Variants in SEL1L observed in about 807,000 individuals in gnomAD.
SEL1L encodes SEL1L adaptor subunit of SYVN1 ubiquitin ligase, also known as protein sel-1 homolog 1.
A neutral mutation model predicts 109.8 loss-of-function variants in SEL1L; 52 were observed. The ratio of observed to expected loss-of-function variants is 0.47; its 90% confidence interval spans 0.38 to 0.60. SEL1L has a LOEUF of 0.60. Ranked by LOEUF, SEL1L falls within the 20% of genes least tolerant of loss-of-function variation. The probability of loss-of-function intolerance (pLI) is 0.00; values close to 1 mark genes in which losing one functional copy is unlikely to be tolerated. For synonymous variants in SEL1L, 373 were observed against 339.6 expected, an observed-to-expected ratio of 1.10 and a Z score of -1.08; for missense variants, 749 against 962.2, an observed-to-expected ratio of 0.78 and a Z score of 2.93.
chr14:81,472,971 G>A lies in SEL1L; in HGVS notation c.*4001C>T, dbSNP rs150363258. The A allele has an allele frequency of 1.6e-3, 252 of 161,982 alleles. No homozygotes were observed. The highest frequency in any genetic ancestry group is 2.1e-3 in the Admixed American group (35 of 16,452). The allele number at this position is 161,982 out of a possible 1,614,324, so 10.0% of individuals were successfully genotyped here. A position where few individuals can be genotyped will look rare whatever the true frequency, so the allele number is the denominator to read the frequency against. On this transcript the variant is annotated 3_prime_UTR_variant, in exon 21 of 21. Coordinates refer to ENST00000336735, the MANE Select transcript of SEL1L (RefSeq NM_005065.6). Reference sequence around the variant, plus strand: ...CAAGTTTCAAGATACAGTACAAAACGATTCTGTACATCTCTCTATTAACAG... The same window carrying A: ...CAAGTTTCAAGATACAGTACAAAACAATTCTGTACATCTCTCTATTAACAG...
At position 81,472,375 on chromosome 14, in the gene SEL1L, TTC is replaced by T; in HGVS notation, c.*4595_*4596del. ...AGGCTTTTTATCCAAGATCCAATGC[TTC>T]TGAGCTGGAACATTTTACCTCAGTT... On this transcript the variant is annotated 3_prime_UTR_variant, in exon 21 of 21. Coordinates refer to ENST00000336735, the MANE Select transcript of SEL1L (RefSeq NM_005065.6). 4.3e-6 allele frequency: 1 copy of T among 234,580 alleles called. No individual in the cohort carries two copies. The highest frequency in any genetic ancestry group is 2.4e-5 in the African/African-American group (1 of 42,470). 14.5% of individuals were successfully genotyped at this position (234,580 alleles called of 1,614,324 possible). A position where few individuals can be genotyped will look rare whatever the true frequency, so the allele number is the denominator to read the frequency against.
intron 1 of SEL1L, among the ~76,000 whole-genome samples, chr14:81,531,744 T>C (rs961404799): frequency 6.6e-6 from 1 of 152,098 alleles, no homozygotes; most frequent in Non-Finnish European, 1.5e-5. Flanking sequence ...GGTTTCGCCA[T>C]GTTGCCCAGG....
intron 13 of SEL1L, 151 bp from the exon 14 acceptor site, chr14:81,489,465 A>C: frequency 3.0e-6 from 2 of 661,342 alleles, no homozygotes; most frequent in Non-Finnish European, 2.6e-6. Flanking sequence ...TCTTCTCATC[A>C]GACTAAACAT....
Position 81,476,542 on chromosome 14 carries a change from A to G in SEL1L, c.*430T>C, listed in dbSNP as rs1903164572. On this transcript the variant is annotated 3_prime_UTR_variant, in exon 21 of 21. Transcript: ENST00000336735. ...TATTTTCAGACTTTCGAACACGTTT[A>G]AACTTGCAACTGGGTTTTCCTTTTT... 6.4e-6 allele frequency: 1 copy of G among 156,000 alleles called. No homozygotes were observed. The highest frequency in any genetic ancestry group is 2.4e-5 in the African/African-American group (1 of 41,538). The allele number at this position is 156,000 out of a possible 1,614,324, so 9.7% of individuals were successfully genotyped here.
At chr14:81,483,279 TTAA>T (rs1158549509) in intron 19 of SEL1L, among the ~76,000 whole-genome samples, 9 of 152,232 alleles carry the variant, frequency 5.9e-5, no homozygotes, top group East Asian at 1.9e-4. Flanking sequence ...GCATTTTCAA[TTAA>T]TAATACAAAA....
chr14:81,493,355 CA>C (rs1376206646), intron 11 of SEL1L, among the ~76,000 whole-genome samples: 2 of 151,930 alleles, frequency 1.3e-5, no homozygotes, highest in African/African-American at 4.8e-5. Context: ...ACTAAAAATA[CA>C]AAAATTAGCC....
intron 3 of SEL1L, among the ~76,000 whole-genome samples, chr14:81,507,289 G>A (rs1884277973): frequency 6.6e-6 from 1 of 152,204 alleles, no homozygotes; most frequent in African/African-American, 2.4e-5. Context: ...AAGGCTGGAT[G>A]CAAGGTGACC....
intron 11 of SEL1L, among the ~76,000 whole-genome samples, chr14:81,493,351 A>C (rs528617690): frequency 6.6e-6 from 1 of 152,198 alleles, no homozygotes; most frequent in South Asian, 2.1e-4. Context: ...CTCTACTAAA[A>C]ATACAAAAAT....
chr14:81,486,269 A>G lies in SEL1L; in HGVS notation c.1798+20T>C, dbSNP rs1222570231. 6.2e-7 allele frequency: 1 copy of G among 1,613,280 alleles called. No individual in the cohort carries two copies. On this transcript the variant is annotated intron_variant, in intron 17 of 20. Coordinates refer to ENST00000336735, the MANE Select transcript of SEL1L (RefSeq NM_005065.6). ...AACTCGTACATTCTAAACCTAAGGC[A>G]GGACTAAAATGAACCTTACTCTGAT...
Position 81,476,811 on chromosome 14 carries a change from A to C in SEL1L, c.*161T>G. 1 of 650,628 alleles carries C rather than the reference A, an allele frequency of 1.5e-6. No individual in the cohort carries two copies. The highest frequency in any genetic ancestry group is 2.6e-6 in the Non-Finnish European group (1 of 388,062). The allele number at this position is 650,628 out of a possible 1,614,324, so 40.3% of individuals were successfully genotyped here. ...AGGTAAGAGTTACTTATCCCTGAAA[A>C]TAAAGGCATCAGATTCTAAGCAGCT... On this transcript the variant is annotated 3_prime_UTR_variant, in exon 21 of 21. Transcript: ENST00000336735.
intron 3 of SEL1L, among the ~76,000 whole-genome samples, chr14:81,517,048 G>T (rs1370935445): frequency 6.6e-6 from 1 of 152,202 alleles, no homozygotes; most frequent in African/African-American, 2.4e-5. Flanking sequence ...TTGCTAGAAT[G>T]ACCCTGACTC....
intron 3 of SEL1L, among the ~76,000 whole-genome samples, chr14:81,514,185 G>A (rs190974857): frequency 1.3e-4 from 20 of 152,278 alleles, no homozygotes; most frequent in African/African-American, 3.4e-4. Flanking sequence ...CCATCGGGGC[G>A]GGGGACTAAC....
At chr14:81,489,122 C>T in intron 14 of SEL1L, 130 bp downstream of exon 14, 1 of 781,592 alleles carries the variant, frequency 1.3e-6, no homozygotes, top group Non-Finnish European at 2.2e-6. Flanking sequence ...ACTCAGACAA[C>T]AGAAAGAGGT....
intron 15 of SEL1L, 98 bp downstream of exon 15, chr14:81,487,756 GA>G: frequency 6.4e-7 from 1 of 1,552,396 alleles, no homozygotes; most frequent in Non-Finnish European, 8.7e-7. Context: ...TAACCAGCCA[GA>G]ATTTGATAGC....
At chr14:81,482,387 A>G (rs908947249) in intron 19 of SEL1L, among the ~76,000 whole-genome samples, 1 of 152,218 alleles carries the variant, frequency 6.6e-6, no homozygotes, top group Non-Finnish European at 1.5e-5. Context: ...CTTGAATTAA[A>G]AATAAAGTCA....
In SEL1L at chr14:81,496,414, G is replaced by A. The variant is rs1291879951; in HGVS notation, c.1129-1277C>T. Among the ~76,000 whole-genome samples, 7 of 152,194 alleles carry A rather than the reference G, an allele frequency of 4.6e-5. No homozygotes were observed. The East Asian group carries it at 1.3e-3, about 29-fold the overall frequency. On this transcript the variant is annotated intron_variant, in intron 10 of 20. Coordinates refer to ENST00000336735, the MANE Select transcript of SEL1L (RefSeq NM_005065.6). ...CAAATGGGTGCTCTTCAGAAAAAAG[G>A]AAACTTACTAGAAGCTGGGAGATAC...
At chr14:81,494,934 AG>A in intron 11 of SEL1L, 146 bp downstream of exon 11, 1 of 676,778 alleles carries the variant, frequency 1.5e-6, no homozygotes, top group Non-Finnish European at 2.5e-6. Flanking sequence ...CAGCTTTCTT[AG>A]GGGTTGGTTA....
In SEL1L at chr14:81,478,661, T is replaced by G. The variant is rs114083873; in HGVS notation, c.2175+951A>C. Among the ~76,000 whole-genome samples, 1,521 of 152,284 alleles carry G rather than the reference T, an allele frequency of 1.0e-2. 22 individuals are homozygous for G. The highest frequency in any genetic ancestry group is 0.034 in the African/African-American group (1,429 of 41,544). On this transcript the variant is annotated intron_variant, in intron 20 of 20. Coordinates refer to ENST00000336735, the MANE Select transcript of SEL1L (RefSeq NM_005065.6). ...ACCATGCAATTATAGCAACTGACAT[T>G]ACACATGTGGAAGCGACTGGGAGGC... is the stretch of plus-strand genomic sequence containing the variant.
intron 3 of SEL1L, among the ~76,000 whole-genome samples, chr14:81,523,213 T>A (rs72691459): frequency 0.01 from 1,539 of 152,282 alleles, 16 homozygotes; most frequent in Middle Eastern, 0.034. Context: ...ATTAGAGGGT[T>A]AGAATTTACA....
Sources: gnomAD v4.1 joint callset for allele counts (sites outside exome capture counted in the v4.1 genomes callset) on GRCh38, gnomAD v4.1.1 for gene constraint, MANE v1.5 for transcripts, NCBI Gene and HGNC (gene_info 2026-07-23, HGNC 2026-07-21) for gene names.